The following PGM2 variants were observed in gnomAD, a reference collection of about 807,000 sequenced individuals.
The protein encoded by PGM2 is phosphopentomutase.
In PGM2, 57 loss-of-function variants were observed where a neutral mutation model predicts 74.6. The observed-to-expected ratio is 0.76, with a 90% CI of 0.62 to 0.95. The LOEUF (loss-of-function observed/expected upper bound fraction) is 0.95, where lower values mean the gene tolerates loss of function less well. Ranked by LOEUF, PGM2 falls within the 40% of genes least tolerant of loss-of-function variation. PGM2 has a pLI of 0.00. For missense variants in PGM2, 706 were observed against 741.9 expected (o/e 0.95, Z 0.56); for synonymous variants, 273 against 260.7 (o/e 1.05, Z -0.46).
At chr4:37,849,742 T>C (rs1725984582) in intron 11 of PGM2, among the ~76,000 whole-genome samples, 2 of 151,902 alleles carry the variant, frequency 1.3e-5, no homozygotes, top group Admixed American at 6.6e-5. Flanking sequence ...TTAAAAATTA[T>C]TCCTTTGGCG....
rs1240600355 is a variant in PGM2, at chr4:37,842,562, T to A, written c.720-1802T>A. Among the ~76,000 whole-genome samples, 4 of 152,066 alleles carry A rather than the reference T, an allele frequency of 2.6e-5. No individual in the cohort carries two copies. In the East Asian group the frequency reaches 5.8e-4, roughly 22 times the overall value. ...GGAAGAATCTTTCTTTTTTTTCTTT[T>A]TTGACTAATTGGAAAGGTCACCTTT... On this transcript the variant is annotated intron_variant, in intron 6 of 13. Coordinates refer to ENST00000381967, the MANE Select transcript of PGM2 (RefSeq NM_018290.4).
At chr4:37,842,046 C>G (rs2152177440) in intron 6 of PGM2, among the ~76,000 whole-genome samples, 1 of 152,174 alleles carries the variant, frequency 6.6e-6, no homozygotes, top group African/African-American at 2.4e-5. Context: ...CTCATTTTTC[C>G]TGATTTGCTA....
At chr4:37,840,571 G>A (rs1725681772) in intron 6 of PGM2, among the ~76,000 whole-genome samples, 1 of 152,086 alleles carries the variant, frequency 6.6e-6, no homozygotes, top group Non-Finnish European at 1.5e-5. Context: ...TTTTAGTAGA[G>A]ACAAGGTGTT....
chr4:37,831,605 C>G (rs947563877), intron 2 of PGM2, among the ~76,000 whole-genome samples: 12 of 152,108 alleles, frequency 7.9e-5, no homozygotes, highest in Non-Finnish European at 1.8e-4. Context: ...GGTTGGAACC[C>G]CTTCATGTGG....
At chr4:37,828,494 C>T (rs567255974) in intron 1 of PGM2, among the ~76,000 whole-genome samples, 131 of 152,220 alleles carry the variant, frequency 8.6e-4, no homozygotes, top group Non-Finnish European at 1.6e-3. Flanking sequence ...AGACTACCCC[C>T]GGCGACTGGC....
At chr4:37,860,870 G>C (rs150937943) in intron 13 of PGM2, among the ~76,000 whole-genome samples, 2,803 of 152,178 alleles carry the variant, frequency 0.018, 45 homozygotes, top group Non-Finnish European at 0.028. Flanking sequence ...TTCTTAAAGG[G>C]ATTTGTCTCC....
At chr4:37,852,665 C>T (rs1726084617) in intron 12 of PGM2, among the ~76,000 whole-genome samples, 1 of 152,206 alleles carries the variant, frequency 6.6e-6, no homozygotes, top group Non-Finnish European at 1.5e-5. Context: ...AGCCTCCAAT[C>T]CTTCCTTTTT....
rs566418271 is a variant in PGM2 at position 37,850,618 on chromosome 4, C to T, written c.1602+245C>T. Among the ~76,000 whole-genome samples the T allele has an allele frequency of 3.9e-4, 59 of 150,944 alleles. No homozygotes were observed. The South Asian group carries it at 9.1e-3, about 23-fold the overall frequency. On this transcript the variant is annotated intron_variant, in intron 12 of 13. Coordinates refer to ENST00000381967, the MANE Select transcript of PGM2 (RefSeq NM_018290.4). ...GAGTTCGAGACCAGCCTGGCCAACA[C>T]GGCAAAACCCGGTCTCTATTAAAAA...
At position 37,839,922 on chromosome 4, in the gene PGM2, TG is replaced by T. The variant is rs772329290; in HGVS notation, c.518del (p.Gly173ValfsTer28). 6.3e-7 allele frequency: 1 copy of T among 1,595,892 alleles called. No individual in the cohort carries two copies. The highest frequency in any genetic ancestry group is 1.1e-5 in the South Asian group (1 of 90,664). On this transcript the variant is annotated frameshift_variant, in exon 5 of 14. Coordinates refer to ENST00000381967, the MANE Select transcript of PGM2 (RefSeq NM_018290.4). LOFTEE classifies it high-confidence loss of function. ...CATCTCACAATCCAAAGCAGGATAA[TG>T]GTTATAAGGTATTTTCCTTTTTCTA... ...TASHNPKQDN[G>X]YKVYWDNGAQ... is the part of the protein sequence containing the mutation.
intron 2 of PGM2, among the ~76,000 whole-genome samples, chr4:37,834,243 G>C (rs1725506071): frequency 6.6e-6 from 1 of 151,966 alleles, no homozygotes; most frequent in African/African-American, 2.4e-5. Context: ...CTGAGGTAGG[G>C]GGGGATTGCT....
At chr4:37,841,245 A>G (rs1411330145) in intron 6 of PGM2, among the ~76,000 whole-genome samples, 1 of 147,490 alleles carries the variant, frequency 6.8e-6, no homozygotes, top group Non-Finnish European at 1.5e-5. Context: ...TTCCTGTGTT[A>G]GTCCCTATTA....
intron 1 of PGM2, among the ~76,000 whole-genome samples, chr4:37,828,526 T>A (rs1560410331): frequency 6.6e-6 from 1 of 152,190 alleles, no homozygotes; most frequent in Non-Finnish European, 1.5e-5. Context: ...GCAGGTGCCC[T>A]CTGTCTTTCC....
rs148308052 is a variant in PGM2, at chr4:37,862,406, A to G, written c.*794A>G. 4.6e-5 allele frequency: 7 copies of G among 152,256 alleles called. No homozygotes were observed. The East Asian group carries it at 1.2e-3, about 25-fold the overall frequency. 9.4% of individuals were successfully genotyped at this position (152,256 alleles called of 1,614,324 possible). A position where few individuals can be genotyped will look rare whatever the true frequency, so the allele number is the denominator to read the frequency against. ...TGTAATTCCTGGTTTGGAGGCAGCA[A>G]GACCTATGAGCAAGAACTATTTACT... On this transcript the variant is annotated 3_prime_UTR_variant, in exon 14 of 14. Coordinates refer to ENST00000381967, the MANE Select transcript of PGM2 (RefSeq NM_018290.4).
chr4:37,852,256 G>A (rs532219723), intron 12 of PGM2, among the ~76,000 whole-genome samples: 38 of 147,850 alleles, frequency 2.6e-4, no homozygotes, highest in Non-Finnish European at 4.6e-4. Flanking sequence ...GTAAGCTACT[G>A]CGCCTGCCTT....
At chr4:37,853,129 C>G (rs184152357) in intron 12 of PGM2, among the ~76,000 whole-genome samples, 3 of 152,148 alleles carry the variant, frequency 2.0e-5, no homozygotes, top group Non-Finnish European at 4.4e-5. Flanking sequence ...TCAGTTATAA[C>G]TAATTTATTA....
At chr4:37,859,720 TC>T (rs11302675) in intron 13 of PGM2, among the ~76,000 whole-genome samples, 25,984 of 152,106 alleles carry the variant, frequency 0.17, 2,749 homozygotes, top group African/African-American at 0.3. Flanking sequence ...AGCTGTTTTC[TC>T]CCCAATTTAT....
In PGM2 at chr4:37,829,872, A is replaced by T. The variant is rs200569700; in HGVS notation, c.82-92A>T. 0.049 allele frequency: 23,001 copies of T among 470,338 alleles called. 1,218 individuals carry two copies. Among genetic ancestry groups the T allele is most frequent in the African/African-American group, 0.14 (7,144 of 49,964 alleles). The allele number at this position is 470,338 out of a possible 1,614,324, so 29.1% of individuals were successfully genotyped here. On this transcript the variant is annotated intron_variant, in intron 1 of 13. Transcript: ENST00000381967. ...CATATATATATATACATATATATAT[A>T]TTTTCTATAGATTAGAATGATTGTG...
chr4:37,862,440 G>T lies in PGM2; in HGVS notation c.*828G>T, dbSNP rs1201952119. ...AGCAAGAACTATTTACTTGACCCTC[G>T]TTTTTTTCTCTTGTTCTTGTGTGGT... On this transcript the variant is annotated 3_prime_UTR_variant, in exon 14 of 14. Coordinates refer to ENST00000381967, the MANE Select transcript of PGM2 (RefSeq NM_018290.4). 1 of 151,890 alleles carries T rather than the reference G, an allele frequency of 6.6e-6. No individual in the cohort carries two copies. Among genetic ancestry groups the T allele is most frequent in the Admixed American group, 6.6e-5 (1 of 15,222 alleles). The allele number at this position is 151,890 out of a possible 1,614,324, so 9.4% of individuals were successfully genotyped here.
At chr4:37,828,516 G>A (rs1439370996) in intron 1 of PGM2, among the ~76,000 whole-genome samples, 2 of 152,172 alleles carry the variant, frequency 1.3e-5, no homozygotes, top group East Asian at 3.9e-4. Context: ...AGGCGCCCTG[G>A]CAGGTGCCCT....
Sources: gnomAD v4.1 joint callset for allele counts (sites outside exome capture counted in the v4.1 genomes callset) on GRCh38, gnomAD v4.1.1 for gene constraint, MANE v1.5 for transcripts, NCBI Gene and HGNC (gene_info 2026-07-23, HGNC 2026-07-21) for gene names.